Variants in NLRC5 observed in about 807,000 individuals in gnomAD.
The protein encoded by NLRC5 is protein NLRC5.
In NLRC5, 114 loss-of-function variants were observed where a neutral mutation model predicts 206.9. The observed-to-expected ratio is 0.55, with a 90% CI of 0.47 to 0.64. NLRC5 has a LOEUF of 0.64. NLRC5 is among the 30% of genes least tolerant of loss of function. The pLI is 0.00. For synonymous variants in NLRC5, 952 were observed against 962.8 expected, an observed-to-expected ratio of 0.99 and a Z score of 0.21; for missense variants, 2,008 against 2,305.5, an observed-to-expected ratio of 0.87 and a Z score of 2.64.
At chr16:57,066,031 A>G (rs2067044006) in intron 33 of NLRC5, among the ~76,000 whole-genome samples, 1 of 152,038 alleles carries the variant, frequency 6.6e-6, no homozygotes, top group Non-Finnish European at 1.5e-5. Flanking sequence ...CCACCCTTCC[A>G]CCACACTGTG....
intron 39 of NLRC5, among the ~76,000 whole-genome samples, chr16:57,075,185 C>A (rs72775183): frequency 6.6e-6 from 1 of 151,880 alleles, no homozygotes; most frequent in Non-Finnish European, 1.5e-5. Context: ...GGACTACAGG[C>A]CTAAGGCGTT....
chr16:57,046,260 T>G (rs2063959156), intron 21 of NLRC5, among the ~76,000 whole-genome samples: 1 of 152,202 alleles, frequency 6.6e-6, no homozygotes, highest in South Asian at 2.1e-4. Flanking sequence ...GGCTCTGTCT[T>G]GGGTCCTCCT....
rs780995309 is a variant in NLRC5 at position 57,054,737 on chromosome 16, C to A, written c.3507-14C>A. 1.2e-6 allele frequency: 2 copies of A among 1,612,328 alleles called. No individual in the cohort carries two copies. Among genetic ancestry groups the A allele is most frequent in the Non-Finnish European group, 1.7e-6 (2 of 1,178,424 alleles). On this transcript the variant is annotated splice_polypyrimidine_tract_variant and intron_variant, in intron 24 of 48. Transcript: ENST00000688547. ...TCCACTCATCTTGCCGGATCTACCC[C>A]CTTTCCTTTTCAGGCTGAGCCAGAC...
chr16:57,045,582 C>T, intron 21 of NLRC5, 90 bp downstream of exon 21: 1 of 1,294,938 alleles, frequency 7.7e-7, no homozygotes, highest in Admixed American at 1.8e-5. Flanking sequence ...CCATGCTGAC[C>T]ACTCAGCTCT....
At chr16:57,039,632 G>T in intron 15 of NLRC5, 149 bp from the exon 16 acceptor site, 1 of 693,250 alleles carries the variant, frequency 1.4e-6, no homozygotes. Context: ...TGGGAGGATT[G>T]CTTGAGCCCA....
At chr16:57,015,538 A>G (rs1373836487) in intron 1 of NLRC5, among the ~76,000 whole-genome samples, 3 of 152,122 alleles carry the variant, frequency 2.0e-5, no homozygotes, top group African/African-American at 7.2e-5. Context: ...GATCACATGA[A>G]CCTAGGAGTT....
At chr16:57,056,394 G>A (rs917350308) in intron 27 of NLRC5, among the ~76,000 whole-genome samples, 1 of 151,480 alleles carries the variant, frequency 6.6e-6, no homozygotes, top group Non-Finnish European at 1.5e-5. Flanking sequence ...GGGCTCAAGC[G>A]ATCCTCCCAC....
chr16:57,000,976 C>A (rs542876382), intron 1 of NLRC5, among the ~76,000 whole-genome samples: 1 of 152,360 alleles, frequency 6.6e-6, no homozygotes, highest in East Asian at 1.9e-4. Flanking sequence ...GTTTCCCCAT[C>A]TTTACAATGG....
At chr16:57,075,530 C>A (rs1163416755) in intron 39 of NLRC5, among the ~76,000 whole-genome samples, 1 of 152,138 alleles carries the variant, frequency 6.6e-6, no homozygotes, top group African/African-American at 2.4e-5. Context: ...TCAGACTCTG[C>A]ATTTTCTAAC....
intron 6 of NLRC5, 104 bp from the exon 7 acceptor site, chr16:57,027,968 T>G: frequency 1.5e-6 from 1 of 652,948 alleles, no homozygotes. Context: ...AATATGTATT[T>G]GTTAGTACTA....
At position 57,037,279 on chromosome 16, in the gene NLRC5, C is replaced by A. The variant is rs773495333; in HGVS notation, c.2796C>A (p.His932Gln). 1.9e-6 allele frequency: 3 copies of A among 1,612,450 alleles called. No homozygotes were observed. Among genetic ancestry groups the A allele is most frequent in the Non-Finnish European group, 2.5e-6 (3 of 1,179,536 alleles). Reference sequence around the variant, plus strand: ...CGTGCTGGACCCTGGCAGAGCTGCACATCAGGTGGGAGCTCCCTCAGACCA... The same window carrying A: ...CGTGCTGGACCCTGGCAGAGCTGCAAATCAGGTGGGAGCTCCCTCAGACCA... ...VSACWTLAEL[H>Q]ISLQHKTVIF... is the part of the protein sequence containing the mutation. Residue 932 changes from histidine to glutamine, a missense_variant, in exon 15 of 49, where the codon CAC becomes CAA. Transcript: ENST00000688547.
intron 15 of NLRC5, among the ~76,000 whole-genome samples, chr16:57,038,023 C>G (rs2062818825): frequency 1.3e-5 from 2 of 152,130 alleles, no homozygotes; most frequent in Admixed American, 1.3e-4. Context: ...CTGTTCACTT[C>G]CAGGAACTTA....
At chr16:57,009,939 G>C (rs1160503723) in intron 1 of NLRC5, among the ~76,000 whole-genome samples, 4 of 152,064 alleles carry the variant, frequency 2.6e-5, no homozygotes, top group Admixed American at 2.6e-4. Flanking sequence ...TGGGTGGACA[G>C]AGACCAGGGA....
Position 57,025,515 on chromosome 16 carries a change from C to G in NLRC5, c.572C>G (p.Pro191Arg). The change falls in exon 6 of 49, where the codon CCG becomes CGG. Residue 191 changes from proline to arginine, a missense_variant. Pro to Arg is a moderately radical substitution (Grantham distance 103). Coordinates refer to ENST00000688547, the MANE Select transcript of NLRC5 (RefSeq NM_001384950.1). The stretch of plus-strand genomic sequence containing the variant: ...CGGGCCACAGCATCCTTAGACACTC[C>G]GGAGGGGGCCATTATGGGGGACGTC... ...LRRATASLDTPEGAIMGDVKV... is the reference protein window; with the variant it reads ...LRRATASLDTREGAIMGDVKV... 1.2e-6 allele frequency: 2 copies of G among 1,613,406 alleles called. No individual in the cohort carries two copies. The highest frequency in any genetic ancestry group is 1.7e-4 in the Middle Eastern group (1 of 6,060).
chr16:57,057,492 T>G (rs1597387577), intron 27 of NLRC5, among the ~76,000 whole-genome samples: 1 of 152,252 alleles, frequency 6.6e-6, no homozygotes, highest in East Asian at 1.9e-4. Flanking sequence ...AGGTGAGGTT[T>G]CCAATATTGA....
chr16:56,993,321 T>G (rs1051420083), intron 1 of NLRC5, among the ~76,000 whole-genome samples: 1 of 152,194 alleles, frequency 6.6e-6, no homozygotes. Flanking sequence ...CTCTTTCTTT[T>G]TAACAGCTGC....
At chr16:57,021,061 G>A in intron 3 of NLRC5, 54 bp downstream of exon 3, 12 of 1,527,556 alleles carry the variant, frequency 7.9e-6, no homozygotes, top group Non-Finnish European at 1.1e-5. Flanking sequence ...TGCGTCATGG[G>A]GAGCCGGGAG....
chr16:57,013,639 T>C, intron 1 of NLRC5: 1 of 968,246 alleles, frequency 1.0e-6, no homozygotes. Context: ...TTTTTGCCAA[T>C]CCTCCAACTT....
chr16:57,026,174 G>T lies in NLRC5; in HGVS notation c.1231G>T (p.Val411Phe). The T allele has an allele frequency of 6.2e-7, 1 of 1,613,888 alleles. No homozygotes were observed. Reference sequence around the variant, plus strand: ...GTGTGCGGTGCCCGCACTGTGCCAAGTCGCCTGTCTCTGCCTCCACCATCT... The same window carrying T: ...GTGTGCGGTGCCCGCACTGTGCCAATTCGCCTGTCTCTGCCTCCACCATCT... The part of the protein sequence containing the change: ...SLCAVPALCQ[V>F]ACLCLHHLLP... Residue 411 changes from valine (V) to phenylalanine (F), a missense_variant, in exon 6 of 49, where the codon GTC (valine) becomes TTC (phenylalanine). By Grantham distance (50) the Val-to-Phe change is conservative. Transcript: ENST00000688547.
Sources: allele counts gnomAD v4.1 joint callset (sites outside exome capture counted in the v4.1 genomes callset), GRCh38; gene constraint gnomAD v4.1.1; transcripts MANE v1.5; gene names NCBI Gene and HGNC (gene_info 2026-07-23, HGNC 2026-07-21).